ANHX: variants seen among roughly 807,000 people sequenced by gnomAD.
ANHX encodes anomalous homeobox.
In ANHX, 20 loss-of-function variants were observed where a neutral mutation model predicts 38.9. That is an observed-to-expected ratio of 0.51 (90% confidence interval 0.36 to 0.75). The LOEUF is 0.75. ANHX is among the 30% of genes least tolerant of loss of function. The pLI is 0.00. For synonymous variants in ANHX, 185 were observed against 203.1 expected (o/e 0.91, Z 0.76); for missense variants, 475 against 493.1 (o/e 0.96, Z 0.35).
chr12:133,227,847 T>C lies in ANHX; in HGVS notation c.478A>G (p.Thr160Ala), dbSNP rs898836228. The change falls in exon 4 of 10, where the codon ACC (threonine) becomes GCC (alanine). Residue 160 changes from threonine to alanine, a missense_variant. By Grantham distance (58) the Thr-to-Ala change is moderately conservative. Transcript: ENST00000545940. ...KLHNFAVGVN[T>A]NPSKAERENL... The stretch of plus-strand genomic sequence containing the variant: ...ACCCTCTCAGCCTTGCTGGGGTTGG[T>C]GTTCACCCCCACAGCGAAATTGTGC... The C allele has an allele frequency of 3.3e-6, 5 of 1,531,102 alleles. No individual in the cohort carries two copies. In the African/African-American group the frequency reaches 6.9e-5, roughly 21 times the overall value. 94.8% of individuals were successfully genotyped at this position (1,531,102 alleles called of 1,614,324 possible). A position where few individuals can be genotyped will look rare whatever the true frequency, so the allele number is the denominator to read the frequency against.
intron 3 of ANHX, 64 bp from the exon 4 acceptor site, chr12:133,228,011 G>T: frequency 6.6e-7 from 1 of 1,516,574 alleles, no homozygotes; most frequent in Non-Finnish European, 8.8e-7. Flanking sequence ...CCCTTCTCCA[G>T]GCCTGGCCCT....
rs1450136230 is a variant in ANHX at position 133,226,990 on chromosome 12, G to A, written c.664C>T (p.Pro222Ser). The A allele has an allele frequency of 6.5e-7, 1 of 1,534,742 alleles. No homozygotes were observed. Among genetic ancestry groups the A allele is most frequent in the South Asian group, 1.2e-5 (1 of 83,952 alleles). The change falls in exon 5 of 10, where the codon CCC (proline) becomes TCC (serine). Residue 222 changes from proline to serine, a missense_variant. Pro to Ser is a moderately conservative substitution (Grantham distance 74). Transcript: ENST00000545940. ...GAGTCAACACGGGGGTTGCCTGAGGGCTGCAGGAGGTCAGGACCCCTCTCC... is the reference window on the plus strand; with the variant it reads ...GAGTCAACACGGGGGTTGCCTGAGGACTGCAGGAGGTCAGGACCCCTCTCC... ...ARERGPDLLQ[P>S]SGNPRVDSGF...
At chr12:133,228,558 C>T (rs562900078) in intron 3 of ANHX, among the ~76,000 whole-genome samples, 1 of 152,304 alleles carries the variant, frequency 6.6e-6, no homozygotes, top group South Asian at 2.1e-4. Context: ...CCTCCCAAGA[C>T]TTAATGTCCT....
chr12:133,227,964 A>T lies in ANHX; in HGVS notation c.378-17T>A. ...GGGGGGTTCCTGGGTAAGGACAGTG[A>T]GGAGGTGGTAACAGACAGGACCCCT... On this transcript the variant is annotated splice_polypyrimidine_tract_variant and intron_variant, in intron 3 of 9. Coordinates refer to ENST00000545940, the MANE Select transcript of ANHX (RefSeq NM_001372060.1). 6.5e-7 allele frequency: 1 copy of T among 1,534,680 alleles called. No individual in the cohort carries two copies. The highest frequency in any genetic ancestry group is 8.7e-7 in the Non-Finnish European group (1 of 1,146,118).
intron 8 of ANHX, among the ~76,000 whole-genome samples, chr12:133,220,633 G>A (rs1593953465): frequency 6.6e-6 from 1 of 152,084 alleles, no homozygotes; most frequent in Non-Finnish European, 1.5e-5. Context: ...CTAGTGTAGA[G>A]AGGATGGGGC....
intron 3 of ANHX, 75 bp from the exon 4 acceptor site, chr12:133,228,022 C>T (rs1303175244): frequency 4.7e-6 from 7 of 1,498,056 alleles, no homozygotes; most frequent in African/African-American, 1.4e-5. Context: ...GCCTGGCCCT[C>T]TGCAGAAGGT....
At chr12:133,229,994 C>T (rs1236059555) in intron 3 of ANHX, among the ~76,000 whole-genome samples, 1 of 152,222 alleles carries the variant, frequency 6.6e-6, no homozygotes, top group Non-Finnish European at 1.5e-5. Context: ...ATACTCAAGA[C>T]TCTCCTCCAA....
At chr12:133,232,498 C>G (rs1957295879) in intron 2 of ANHX, among the ~76,000 whole-genome samples, 1 of 152,190 alleles carries the variant, frequency 6.6e-6, no homozygotes, top group African/African-American at 2.4e-5. Flanking sequence ...GCCCCACTCT[C>G]CTCTCAGCAC....
intron 7 of ANHX, among the ~76,000 whole-genome samples, chr12:133,224,782 G>T (rs560486084): frequency 1.3e-5 from 2 of 150,764 alleles, no homozygotes; most frequent in African/African-American, 4.9e-5. Context: ...TGGCTAACAG[G>T]GTGAAACCCC....
At chr12:133,226,501 C>T in intron 5 of ANHX, 63 bp from the exon 6 acceptor site, 1 of 1,481,086 alleles carries the variant, frequency 6.8e-7, no homozygotes, top group Admixed American at 2.3e-5. Context: ...TCCTTCCCAT[C>T]AGGTATGAGC....
chr12:133,234,318 G>A lies in ANHX; in HGVS notation c.39C>T (p.Asp13=), dbSNP rs1381685173. 46 of 1,535,988 alleles carry A rather than the reference G, an allele frequency of 3.0e-5. No homozygotes were observed. The highest frequency in any genetic ancestry group is 3.7e-5 in the Non-Finnish European group (43 of 1,146,896). Residue 13 remains aspartate (D), a synonymous_variant, in exon 2 of 10, where the codon GAC becomes GAT. Coordinates refer to ENST00000545940, the MANE Select transcript of ANHX (RefSeq NM_001372060.1). ...CCAGCTCCGCCGGGGGTGCACAGGTGTCCTCATGCTCCTTCAGCAGAGTCA... is the reference window on the plus strand; with the variant it reads ...CCAGCTCCGCCGGGGGTGCACAGGTATCCTCATGCTCCTTCAGCAGAGTCA... ...SFLTLLKEHE[D]TCAPPAELVT... is the part of the protein sequence containing the mutation.
At chr12:133,233,198 A>G (rs541913749) in intron 2 of ANHX, among the ~76,000 whole-genome samples, 1 of 152,166 alleles carries the variant, frequency 6.6e-6, no homozygotes, top group Non-Finnish European at 1.5e-5. Flanking sequence ...CAGAGGTGAG[A>G]GGACAGCAGC....
At chr12:133,231,703 C>T (rs1957281029) in intron 2 of ANHX, 59 bp from the exon 3 acceptor site, 31 of 1,523,838 alleles carry the variant, frequency 2.0e-5, no homozygotes, top group Non-Finnish European at 2.7e-5. Flanking sequence ...ACTGTTGGGA[C>T]CTGCATCTGC....
intron 7 of ANHX, among the ~76,000 whole-genome samples, chr12:133,223,967 T>G (rs1328076785): frequency 6.6e-6 from 1 of 152,144 alleles, no homozygotes; most frequent in Non-Finnish European, 1.5e-5. Context: ...GAAGACAGAT[T>G]AAAGACATTT....
intron 9 of ANHX, 125 bp downstream of exon 9, chr12:133,219,158 T>C: frequency 9.5e-7 from 1 of 1,053,458 alleles, no homozygotes; most frequent in South Asian, 1.4e-5. Flanking sequence ...AAATCATCTT[T>C]GCCCCTTGTT....
At position 133,219,458 on chromosome 12, in the gene ANHX, A is replaced by G. The variant is rs1017031119; in HGVS notation, c.1281-91T>C. 6.1e-6 allele frequency: 5 copies of G among 815,070 alleles called. No homozygotes were observed. In the Admixed American group the frequency reaches 1.1e-4, roughly 18 times the overall value. 50.5% of individuals were successfully genotyped at this position (815,070 alleles called of 1,614,324 possible). ...CAGCTGTGCTTTCTCCCTCATCAGG[A>G]GACATTCTAGTACTTGACACTCATC... On this transcript the variant is annotated intron_variant, in intron 8 of 9. Coordinates refer to ENST00000545940, the MANE Select transcript of ANHX (RefSeq NM_001372060.1).
In ANHX at chr12:133,221,180, A is replaced by G. The variant is rs917230338; in HGVS notation, c.1280+25T>C. The G allele has an allele frequency of 6.5e-7, 1 of 1,535,582 alleles. No individual in the cohort carries two copies. Among genetic ancestry groups the G allele is most frequent in the Non-Finnish European group, 8.7e-7 (1 of 1,146,718 alleles). On this transcript the variant is annotated intron_variant, in intron 8 of 9. Coordinates refer to ENST00000545940, the MANE Select transcript of ANHX (RefSeq NM_001372060.1). This position sits in a 1 kb window ranked among gnomAD's most constrained non-coding sequence, Gnocchi z 4.1. ...TTGTGGCCTGTGGAAAGGACTGTCC[A>G]GGCCTGTGGCTCTTCAGGGCTTACC...
At chr12:133,219,744 T>C (rs1957083380) in intron 8 of ANHX, among the ~76,000 whole-genome samples, 1 of 152,148 alleles carries the variant, frequency 6.6e-6, no homozygotes, top group Non-Finnish European at 1.5e-5. Context: ...GCATGTGACA[T>C]GGCCACGGCA....
intron 9 of ANHX, 72 bp downstream of exon 9, chr12:133,219,211 C>T: frequency 7.4e-7 from 1 of 1,355,332 alleles, no homozygotes; most frequent in Non-Finnish European, 1.0e-6. Context: ...CTAGCTGAAC[C>T]CTCCTCAGCA....
Sources: gnomAD v4.1 joint callset for allele counts (sites outside exome capture counted in the v4.1 genomes callset) on GRCh38, gnomAD v4.1.1 for gene constraint, Gnocchi (gnomAD v3.1) non-coding constraint, MANE v1.5 for transcripts, NCBI Gene and HGNC (gene_info 2026-07-23, HGNC 2026-07-21) for gene names.